NEK1: variants seen among roughly 807,000 people sequenced by gnomAD.
NEK1 encodes serine/threonine-protein kinase Nek1.
NEK1 carries 137 observed loss-of-function variants against 182.1 expected under a neutral mutation model. The observed-to-expected ratio is 0.75, with a 90% CI of 0.65 to 0.87. The LOEUF (loss-of-function observed/expected upper bound fraction) is 0.87. Among genes scored for constraint, NEK1 ranks in the 40% least tolerant of loss-of-function variants. The pLI is 0.00. For synonymous variants in NEK1, 513 were observed against 492.2 expected, an observed-to-expected ratio of 1.04 and a Z score of -0.56; for missense variants, 1,391 against 1,494.4, an observed-to-expected ratio of 0.93 and a Z score of 1.14.
intron 18 of NEK1, among the ~76,000 whole-genome samples, chr4:169,553,555 T>C (rs1041415049): frequency 2.0e-5 from 3 of 151,916 alleles, no homozygotes; most frequent in Admixed American, 2.0e-4. Context: ...AACAAAATAT[T>C]AAGGGAATGA....
At chr4:169,521,664 TA>T (rs760221251) in intron 19 of NEK1, among the ~76,000 whole-genome samples, 1 of 152,266 alleles carries the variant, frequency 6.6e-6, no homozygotes, top group Non-Finnish European at 1.5e-5. Context: ...TCTTTATTTC[TA>T]CTTCATTCCA....
intron 27 of NEK1, among the ~76,000 whole-genome samples, chr4:169,446,602 T>C (rs1215099501): frequency 2.6e-5 from 4 of 152,104 alleles, no homozygotes; most frequent in Admixed American, 6.5e-5. Flanking sequence ...CAGAGATATA[T>C]GACCTTTCAG....
In NEK1 at chr4:169,508,248, C is replaced by T. The variant is rs1342131751; in HGVS notation, c.1833G>A (p.Lys611=). ...QQIKAKLRGE[K]KEANHSEGQE... ...TCAAAAAAATAGCTTTTCAACCTAC[C>T]TTTTCACCACGAAGTTTGGCTTTAA... is the stretch of plus-strand genomic sequence containing the variant. The change falls in exon 21 of 36, where the codon AAG becomes AAA. Residue 611 remains lysine, a splice_region_variant and synonymous_variant. Transcript: ENST00000507142. 1.3e-6 allele frequency: 2 copies of T among 1,584,554 alleles called. No individual in the cohort carries two copies. Among genetic ancestry groups the T allele is most frequent in the Admixed American group, 3.7e-5 (2 of 54,724 alleles).
intron 27 of NEK1, among the ~76,000 whole-genome samples, chr4:169,459,163 A>G (rs1335369215): frequency 6.6e-6 from 1 of 152,220 alleles, no homozygotes; most frequent in Non-Finnish European, 1.5e-5. Flanking sequence ...TATACTAAGA[A>G]TTCTTAAACT....
intron 18 of NEK1, among the ~76,000 whole-genome samples, chr4:169,547,639 T>C (rs147850813): frequency 4.6e-5 from 7 of 152,350 alleles, no homozygotes; most frequent in African/African-American, 1.7e-4. Context: ...TCTTTTCGCA[T>C]ACTCCCATAT....
At chr4:169,561,009 C>T (rs1170214371) in intron 16 of NEK1, among the ~76,000 whole-genome samples, 1 of 151,996 alleles carries the variant, frequency 6.6e-6, no homozygotes, top group Admixed American at 6.6e-5. Context: ...TTTGGCAAAC[C>T]ACATATAGTA....
chr4:169,432,257 C>G (rs1737584779), intron 29 of NEK1, among the ~76,000 whole-genome samples: 1 of 152,082 alleles, frequency 6.6e-6, no homozygotes, highest in South Asian at 2.1e-4. Flanking sequence ...AAAAGTTTAG[C>G]AAGGCTGTGG....
intron 19 of NEK1, 138 bp from the exon 20 acceptor site, chr4:169,508,990 C>G: frequency 1.6e-6 from 1 of 613,148 alleles, no homozygotes; most frequent in Non-Finnish European, 2.7e-6. Flanking sequence ...ATAACAAACC[C>G]TGGCGTTTTC....
intron 19 of NEK1, among the ~76,000 whole-genome samples, chr4:169,518,166 A>T (rs1755428434): frequency 2.5e-5 from 1 of 39,810 alleles, no homozygotes. Context: ...ACTATTGATT[A>T]TTGCCACAAT....
At chr4:169,536,244 C>T (rs574228174) in intron 19 of NEK1, among the ~76,000 whole-genome samples, 20 of 149,824 alleles carry the variant, frequency 1.3e-4, no homozygotes, top group South Asian at 2.1e-4. Context: ...TTGCACTGAC[C>T]CAAGATCACG....
intron 19 of NEK1, among the ~76,000 whole-genome samples, chr4:169,529,353 A>C (rs1426552441): frequency 3.3e-5 from 5 of 152,194 alleles, no homozygotes; most frequent in Admixed American, 1.3e-4. Flanking sequence ...GAATGTACTT[A>C]ATGCCACTGA....
At position 169,545,797 on chromosome 4, in the gene NEK1, A is replaced by G. The variant is rs56100652; in HGVS notation, c.1563-7886T>C. Among the ~76,000 whole-genome samples, 585 of 151,982 alleles carry G rather than the reference A, an allele frequency of 3.8e-3. 5 individuals carry two copies. Among genetic ancestry groups the G allele is most frequent in the South Asian group, 0.03 (142 of 4,810 alleles). ...GGTTTTGATTTGCATTTCTCTGATGACCAGTGATGATGAGCATTTTTTCAT... is the reference window on the plus strand; with the variant it reads ...GGTTTTGATTTGCATTTCTCTGATGGCCAGTGATGATGAGCATTTTTTCAT... On this transcript the variant is annotated intron_variant, in intron 18 of 35. Coordinates refer to ENST00000507142, the MANE Select transcript of NEK1 (RefSeq NM_001199397.3).
chr4:169,447,139 T>C (rs1740722602), intron 27 of NEK1, among the ~76,000 whole-genome samples: 1 of 152,142 alleles, frequency 6.6e-6, no homozygotes, highest in Non-Finnish European at 1.5e-5. Context: ...CCTCAAGACA[T>C]TTACTAATCA....
chr4:169,600,129 C>T (rs1215417508), intron 4 of NEK1, among the ~76,000 whole-genome samples: 1 of 152,158 alleles, frequency 6.6e-6, no homozygotes, highest in Non-Finnish European at 1.5e-5. Flanking sequence ...AGTACTGAGA[C>T]TATCACAACT....
intron 12 of NEK1, among the ~76,000 whole-genome samples, chr4:169,564,974 G>A (rs187118326): frequency 6.6e-6 from 1 of 152,114 alleles, no homozygotes. Context: ...ACTAAAGAAT[G>A]CATTTACTCT....
chr4:169,424,876 T>C, intron 30 of NEK1, 76 bp from the exon 31 acceptor site: 1 of 1,401,426 alleles, frequency 7.1e-7, no homozygotes, highest in Non-Finnish European at 9.4e-7. Context: ...TAAGGCACAG[T>C]ATGTAACACA....
At chr4:169,601,753 T>C (rs1160614086) in intron 4 of NEK1, among the ~76,000 whole-genome samples, 1 of 151,998 alleles carries the variant, frequency 6.6e-6, no homozygotes, top group Non-Finnish European at 1.5e-5. Flanking sequence ...TAAGAATCAC[T>C]TGAACCTGGG....
intron 19 of NEK1, among the ~76,000 whole-genome samples, chr4:169,526,291 C>A (rs1288685664): frequency 6.6e-6 from 1 of 152,110 alleles, no homozygotes. Flanking sequence ...GAGTTTGAGG[C>A]CAGCTTGGGC....
At chr4:169,570,137 C>T (rs1764473423) in intron 12 of NEK1, among the ~76,000 whole-genome samples, 1 of 149,586 alleles carries the variant, frequency 6.7e-6, no homozygotes, top group South Asian at 2.1e-4. Flanking sequence ...AGCGCCTCTG[C>T]CCCGCCGCCC....
Sources: gnomAD v4.1 joint callset for allele counts (sites outside exome capture counted in the v4.1 genomes callset) on GRCh38, gnomAD v4.1.1 for gene constraint, MANE v1.5 for transcripts, NCBI Gene and HGNC (gene_info 2026-07-23, HGNC 2026-07-21) for gene names.